The following MYH13 variants were observed in gnomAD, a reference collection of about 807,000 sequenced individuals.
MYH13 encodes the protein myosin heavy chain 13.
Under a neutral mutation model 232.1 loss-of-function variants are expected in MYH13, and 177 were observed. The observed-to-expected ratio is 0.76, with a 90% CI of 0.67 to 0.86. The LOEUF (loss-of-function observed/expected upper bound fraction) is 0.86, where lower values mean the gene tolerates loss of function less well. MYH13 is among the 40% of genes least tolerant of loss of function. The probability of loss-of-function intolerance (pLI) is 0.00; values close to 1 mark genes in which losing one functional copy is unlikely to be tolerated. For synonymous variants in MYH13, 884 were observed against 923.5 expected (o/e 0.96, Z 0.78); for missense variants, 2,246 against 2,405.9 (o/e 0.93, Z 1.39).
chr17:10,344,194 CT>C lies in MYH13; in HGVS notation c.1585-86del. 2.0e-6 allele frequency: 3 copies of C among 1,528,068 alleles called. No individual in the cohort carries two copies. The South Asian group carries it at 3.9e-5, about 20-fold the overall frequency. The allele number at this position is 1,528,068 out of a possible 1,614,324, so 94.7% of individuals were successfully genotyped here. A position where few individuals can be genotyped will look rare whatever the true frequency, so the allele number is the denominator to read the frequency against. On this transcript the variant is annotated intron_variant, in intron 15 of 40. Transcript: ENST00000252172. ...AGAAGCCAAAAAACCTTCTTTGGTG[CT>C]TTCACTCTGGTACCAGGAATGCTGG...
In MYH13 at chr17:10,311,191, G is replaced by A; in HGVS notation, c.4568C>T (p.Thr1523Ile). Residue 1523 changes from threonine (T) to isoleucine (I), a missense_variant, in exon 33 of 41, where the codon ACT (threonine) becomes ATT (isoleucine). Transcript: ENST00000252172. ...TTCCGCTTCCTGAAGATTCTTGCCAGTTTCTGCAATCTGCTCAGTTAAGTC... is the reference window on the plus strand; with the variant it reads ...TTCCGCTTCCTGAAGATTCTTGCCAATTTCTGCAATCTGCTCAGTTAAGTC... The part of the protein sequence containing the change: ...ISDLTEQIAE[T>I]GKNLQEAEKT... 1 of 1,614,048 alleles carries A rather than the reference G, an allele frequency of 6.2e-7. No homozygotes were observed. The highest frequency in any genetic ancestry group is 8.5e-7 in the Non-Finnish European group (1 of 1,179,902).
intron 12 of MYH13, among the ~76,000 whole-genome samples, chr17:10,348,590 C>T (rs577942031): frequency 6.6e-6 from 1 of 152,308 alleles, no homozygotes; most frequent in East Asian, 1.9e-4. Context: ...AAGCACTGCA[C>T]ACACACAGCT....
rs1391278428 is a variant in MYH13, at chr17:10,313,343, G to T, written c.3996C>A (p.Ala1332=). 1 of 1,614,140 alleles carries T rather than the reference G, an allele frequency of 6.2e-7. No homozygotes were observed. Among genetic ancestry groups the T allele is most frequent in the Non-Finnish European group, 8.5e-7 (1 of 1,180,062 alleles). ...GGGAGGACTGCAGGGCGTGCGCCAT[G>T]GCGTTCTTGGCCTGGGAATGACAGC... is the stretch of plus-strand genomic sequence containing the variant. The part of the protein sequence containing the change: ...QMEEETKAKN[A]MAHALQSSRH... The change falls in exon 30 of 41, where the codon GCC becomes GCA. Residue 1332 remains alanine (A), a synonymous_variant. Transcript: ENST00000252172.
At chr17:10,333,226 C>T (rs1907473112) in intron 18 of MYH13, 35 bp from the exon 19 acceptor site, 1 of 1,430,868 alleles carries the variant, frequency 7.0e-7, no homozygotes, top group Non-Finnish European at 9.6e-7. Context: ...GTGCCTGTGA[C>T]CCCTTCATTT....
intron 11 of MYH13, among the ~76,000 whole-genome samples, chr17:10,351,174 T>G (rs554285684): frequency 4.4e-5 from 6 of 136,132 alleles, no homozygotes; most frequent in South Asian, 2.3e-4. Context: ...TGAGCCAAGA[T>G]TGTACCATTG....
At chr17:10,363,501 C>T (rs902022290) in intron 3 of MYH13, among the ~76,000 whole-genome samples, 6 of 152,090 alleles carry the variant, frequency 3.9e-5, no homozygotes, top group Non-Finnish European at 7.4e-5. Flanking sequence ...CACTCCACCA[C>T]CCAAGACTAG....
At chr17:10,341,714 CA>C (rs1457698970) in intron 16 of MYH13, among the ~76,000 whole-genome samples, 2 of 152,138 alleles carry the variant, frequency 1.3e-5, no homozygotes, top group Non-Finnish European at 1.5e-5. Flanking sequence ...TCCGCATCCA[CA>C]CAGGGTCTTA....
rs946903100 is a variant in MYH13, at chr17:10,313,237, C to G, written c.4102G>C (p.Ala1368Pro). Residue 1368 changes from alanine to proline, a missense_variant, in exon 30 of 41, where the codon GCC becomes CCC. Ala to Pro is a conservative substitution (Grantham distance 27). Transcript: ENST00000252172. ...KAELQRALSK[A>P]NSEVAQWRTK... ...CTCCACTGGGCAACCTCACTGTTGG[C>G]CTTGGACAGCGCCCTCTGCAGCTCG... 1 of 1,614,208 alleles carries G rather than the reference C, an allele frequency of 6.2e-7. No individual in the cohort carries two copies. The highest frequency in any genetic ancestry group is 2.2e-5 in the East Asian group (1 of 44,874).
chr17:10,321,037 C>T (rs532376274), intron 24 of MYH13, among the ~76,000 whole-genome samples: 2 of 152,266 alleles, frequency 1.3e-5, no homozygotes, highest in South Asian at 4.1e-4. Context: ...TCTCTAGCCA[C>T]AATAGTGAGT....
At chr17:10,307,907 A>G (rs1023386794) in intron 35 of MYH13, among the ~76,000 whole-genome samples, 1 of 152,210 alleles carries the variant, frequency 6.6e-6, no homozygotes, top group Non-Finnish European at 1.5e-5. Flanking sequence ...TAGTCTTTCT[A>G]AAAGTAAAAT....
chr17:10,309,677 C>G lies in MYH13; in HGVS notation c.4810G>C (p.Val1604Leu). ...CGGCTGCGGATTTCAGCATCCAGCA[C>G]GCTCTGCAGGGCCTCTGCTGCCCGC... ...SQRAAEALQS[V>L]LDAEIRSRND... The change falls in exon 34 of 41, where the codon GTG becomes CTG. Residue 1604 changes from valine (V) to leucine (L), a missense_variant. By Grantham distance (32) the Val-to-Leu change is conservative (BLOSUM62 1). Transcript: ENST00000252172. The G allele has an allele frequency of 6.2e-7, 1 of 1,609,912 alleles. No individual in the cohort carries two copies. The highest frequency in any genetic ancestry group is 8.5e-7 in the Non-Finnish European group (1 of 1,178,044).
intron 21 of MYH13, among the ~76,000 whole-genome samples, chr17:10,328,405 G>A (rs1907292270): frequency 6.6e-6 from 1 of 152,222 alleles, no homozygotes; most frequent in South Asian, 2.1e-4. Context: ...TGCCCTGCCT[G>A]AGGGCGTCCG....
chr17:10,332,554 T>C (rs1907446407), intron 19 of MYH13, among the ~76,000 whole-genome samples: 1 of 152,172 alleles, frequency 6.6e-6, no homozygotes. Flanking sequence ...GTGGTTCTCC[T>C]ACTTCTGGAA....
rs776333588 is a variant in MYH13 at position 10,320,448 on chromosome 17, T to C, written c.3160A>G (p.Arg1054Gly). Residue 1054 changes from arginine to glycine, a missense_variant, in exon 25 of 41, where the codon AGG (arginine) becomes GGG (glycine). Arg to Gly is a moderately radical substitution (Grantham distance 125, BLOSUM62 -2). Transcript: ENST00000252172. The part of the protein sequence containing the change: ...QEKKLRADLE[R>G]AKRKLEGDLK... ...TCTCCTTCCAGCTTCCTCTTCGCCC[T>C]TTCCAAGTCCGCCCGCAGTTTCTTC... 2 of 1,613,576 alleles carry C rather than the reference T, an allele frequency of 1.2e-6. No homozygotes were observed. The highest frequency in any genetic ancestry group is 1.7e-6 in the Non-Finnish European group (2 of 1,179,750).
chr17:10,338,763 C>T (rs1021116026), intron 18 of MYH13, among the ~76,000 whole-genome samples: 6 of 147,540 alleles, frequency 4.1e-5, no homozygotes, highest in Admixed American at 1.4e-4. Flanking sequence ...TGCAGTGGCA[C>T]GATCTCGGCT....
chr17:10,337,415 G>T (rs1450198645), intron 18 of MYH13, among the ~76,000 whole-genome samples: 1 of 152,162 alleles, frequency 6.6e-6, no homozygotes, highest in Middle Eastern at 3.2e-3. Flanking sequence ...TGTTCAGCAG[G>T]CGAGCAGAGG....
At chr17:10,316,049 C>T (rs2240577) in intron 27 of MYH13, 24 bp from the exon 28 acceptor site, 1,267,610 of 1,612,412 alleles carry the variant, frequency 0.79, 499,403 homozygotes, top group African/African-American at 0.89. Flanking sequence ...AAAGTCAACA[C>T]GAATGGGAAG....
At chr17:10,302,155 C>T (rs1254447916) in intron 39 of MYH13, among the ~76,000 whole-genome samples, 1 of 152,158 alleles carries the variant, frequency 6.6e-6, no homozygotes, top group Non-Finnish European at 1.5e-5. Flanking sequence ...TCCTCCTGGG[C>T]ACCCTCTAGC....
rs766847962 is a variant in MYH13 at position 10,301,692 on chromosome 17, G to A, written c.5679C>T (p.Ala1893=). ...KRQAEEAEEQ[A]NTQLSRCRRV... ...TCCGGCATCTGGACAGCTGCGTGTT[G>A]GCCTGCTCCTCCTGCACAGGAGACA... The change falls in exon 40 of 41, where the codon GCC becomes GCT. Residue 1893 remains alanine (A), a synonymous_variant. Transcript: ENST00000252172. The A allele has an allele frequency of 6.2e-7, 1 of 1,613,602 alleles. No individual in the cohort carries two copies. The highest frequency in any genetic ancestry group is 1.7e-5 in the Admixed American group (1 of 60,020).
Sources: allele counts gnomAD v4.1 joint callset (sites outside exome capture counted in the v4.1 genomes callset), GRCh38; gene constraint gnomAD v4.1.1; transcripts MANE v1.5; gene names NCBI Gene and HGNC (gene_info 2026-07-23, HGNC 2026-07-21).